The following SLC30A8 variants were observed in gnomAD, a reference collection of about 807,000 sequenced individuals.
SLC30A8 encodes proton-coupled zinc antiporter SLC30A8.
A neutral mutation model predicts 36.9 loss-of-function variants in SLC30A8; 27 were observed. The ratio of observed to expected loss-of-function variants is 0.73; its 90% confidence interval spans 0.54 to 1.01. The LOEUF (loss-of-function observed/expected upper bound fraction) is 1.01, where lower values mean the gene tolerates loss of function less well. Ranked by LOEUF, SLC30A8 falls within the 50% of genes least tolerant of loss-of-function variation. The pLI is 0.00. For missense variants in SLC30A8, 439 were observed against 452.0 expected, an observed-to-expected ratio of 0.97 and a Z score of 0.26; for synonymous variants, 164 against 172.4, an observed-to-expected ratio of 0.95 and a Z score of 0.38.
Position 117,135,064 on chromosome 8 carries a change from TTCA to T in SLC30A8, c.-262_-260del, listed in dbSNP as rs1821296586. 1 of 320,918 alleles carries T rather than the reference TTCA, an allele frequency of 3.1e-6. No individual in the cohort carries two copies. The highest frequency in any genetic ancestry group is 2.1e-5 in the African/African-American group (1 of 46,974). The allele number at this position is 320,918 out of a possible 1,614,324, so 19.9% of individuals were successfully genotyped here. ...GATATCATATGAAAGACATACACAC[TTCA>T]TGTAATGCTACCTGCAAGTCTCCCT... On this transcript the variant is annotated 5_prime_UTR_variant, in exon 1 of 8. The change abolishes an upstream ATG in the 5' untranslated region. Transcript: ENST00000456015.
At chr8:117,007,761 AG>A (rs1277042641) in intron 1 of SLC30A8, among the ~76,000 whole-genome samples, 10 of 152,308 alleles carry the variant, frequency 6.6e-5, no homozygotes, top group Admixed American at 2.0e-4. Context: ...AACTTGTGTA[AG>A]GGCACACATT....
chr8:117,169,270 C>A, intron 6 of SLC30A8, among the ~76,000 whole-genome samples: 1 of 152,240 alleles, frequency 6.6e-6, no homozygotes, highest in South Asian at 2.1e-4. Flanking sequence ...AGGAGGAAAT[C>A]CCCCATGAGC....
chr8:117,057,455 T>TGTTG (rs1035076815), intron 2 of SLC30A8, among the ~76,000 whole-genome samples: 27 of 152,064 alleles, frequency 1.8e-4, no homozygotes, highest in African/African-American at 6.3e-4. Flanking sequence ...TTGAGACCTG[T>TGTTG]GTTGTACATT....
intron 2 of SLC30A8, among the ~76,000 whole-genome samples, chr8:117,080,703 A>G (rs1484755520): frequency 1.3e-5 from 2 of 152,174 alleles, no homozygotes; most frequent in South Asian, 2.1e-4. Context: ...TCTATGGTAT[A>G]TATGTATCAG....
At chr8:116,965,362 C>A (rs1031740855) in intron 1 of SLC30A8, among the ~76,000 whole-genome samples, 2 of 152,120 alleles carry the variant, frequency 1.3e-5, no homozygotes, top group African/African-American at 4.8e-5. Flanking sequence ...GCTAATATAC[C>A]AGTTACCTTC....
At chr8:117,123,221 AGG>A (rs1820757572) in intron 2 of SLC30A8, among the ~76,000 whole-genome samples, 1 of 151,988 alleles carries the variant, frequency 6.6e-6, no homozygotes, top group African/African-American at 2.4e-5. Context: ...GGCGACAGAC[AGG>A]ATGTGTCTAC....
intron 2 of SLC30A8, among the ~76,000 whole-genome samples, chr8:117,039,899 T>C (rs1171506412): frequency 6.6e-6 from 1 of 152,192 alleles, no homozygotes; most frequent in Non-Finnish European, 1.5e-5. Context: ...CCTCTAGACC[T>C]TTCTAGGCCT....
intron 1 of SLC30A8, among the ~76,000 whole-genome samples, chr8:116,999,236 G>T (rs903281123): frequency 1.3e-5 from 2 of 152,194 alleles, no homozygotes; most frequent in Non-Finnish European, 2.9e-5. Flanking sequence ...TCCAGCCTGG[G>T]TGACAGAGGG....
intron 2 of SLC30A8, among the ~76,000 whole-genome samples, chr8:117,111,420 CT>C (rs1022146630): frequency 2.0e-5 from 3 of 152,092 alleles, no homozygotes; most frequent in African/African-American, 4.8e-5. Context: ...CTTCTTTCTT[CT>C]TTTAGTAATA....
chr8:117,101,647 G>A (rs1337450503), intron 2 of SLC30A8, among the ~76,000 whole-genome samples: 1 of 152,130 alleles, frequency 6.6e-6, no homozygotes, highest in East Asian at 1.9e-4. Context: ...TGAGTCAGTG[G>A]ACTGGGAAAG....
intron 6 of SLC30A8, 28 bp downstream of exon 6, chr8:117,163,558 G>A: frequency 6.6e-7 from 1 of 1,518,106 alleles, no homozygotes; most frequent in Non-Finnish European, 9.1e-7. Flanking sequence ...ATTACTCCCA[G>A]AGTCAGTGTT....
Position 117,174,427 on chromosome 8 carries a change from T to G in SLC30A8, c.*1746T>G. On this transcript the variant is annotated 3_prime_UTR_variant, in exon 8 of 8. Transcript: ENST00000456015. ...ACTTAGCATTCTGCTGAGCTTTCCC[T>G]GCTCAGTAGAGACAAATATACTCAT... 1 of 152,610 alleles carries G rather than the reference T, an allele frequency of 6.6e-6. No homozygotes were observed. The highest frequency in any genetic ancestry group is 1.5e-5 in the Non-Finnish European group (1 of 68,030). The allele number at this position is 152,610 out of a possible 1,614,324, so 9.5% of individuals were successfully genotyped here.
intron 2 of SLC30A8, among the ~76,000 whole-genome samples, chr8:117,085,415 G>A (rs1256114774): frequency 6.6e-6 from 1 of 152,020 alleles, no homozygotes; most frequent in African/African-American, 2.4e-5. Context: ...ATCCTCTAGC[G>A]ATTTCATTGT....
In SLC30A8 at chr8:117,059,949, G is replaced by C. The variant is rs1023177862; in HGVS notation, c.-226+20691G>C. On this transcript the variant is annotated intron_variant, in intron 2 of 10. Transcript: ENST00000427715. Reference sequence around the variant, plus strand: ...GTTCTGAGCTAGTGTGGAGGCAGAGGGGGTGAGAAGGAGGGAACAGATACG... The same window carrying C: ...GTTCTGAGCTAGTGTGGAGGCAGAGCGGGTGAGAAGGAGGGAACAGATACG... 2.6e-5 allele frequency among the ~76,000 whole-genome samples: 4 copies of C among 152,170 alleles called. No individual in the cohort carries two copies. The East Asian group carries it at 7.7e-4, about 29-fold the overall frequency.
In SLC30A8 at chr8:117,054,536, C is replaced by A. The variant is rs192194388; in HGVS notation, c.-226+15278C>A. Among the ~76,000 whole-genome samples the A allele has an allele frequency of 2.5e-3, 380 of 152,218 alleles. 2 individuals are homozygous for A. Among genetic ancestry groups the A allele is most frequent in the Non-Finnish European group, 4.7e-3 (321 of 68,006 alleles). On this transcript the variant is annotated intron_variant, in intron 2 of 10. Transcript: ENST00000427715. Reference sequence around the variant, plus strand: ...TTGTCACCATCAATGTGCAAACATACAGAAGAATACTGAAATCCCTGCCTT... The same window carrying A: ...TTGTCACCATCAATGTGCAAACATAAAGAAGAATACTGAAATCCCTGCCTT...
At chr8:117,039,832 T>G (rs1020447639) in intron 2 of SLC30A8, among the ~76,000 whole-genome samples, 1 of 152,250 alleles carries the variant, frequency 6.6e-6, no homozygotes, top group African/African-American at 2.4e-5. Context: ...AACTGTTATT[T>G]GAGATGCAGG....
chr8:116,972,667 C>A (rs987354515), intron 1 of SLC30A8, among the ~76,000 whole-genome samples: 3 of 152,102 alleles, frequency 2.0e-5, no homozygotes, highest in African/African-American at 7.2e-5. Flanking sequence ...AGACTTTTTA[C>A]AATTTGAGAG....
At chr8:117,077,998 G>A (rs1455757886) in intron 2 of SLC30A8, among the ~76,000 whole-genome samples, 1 of 152,180 alleles carries the variant, frequency 6.6e-6, no homozygotes, top group Admixed American at 6.5e-5. Flanking sequence ...CAGTGAAAAA[G>A]TGATGAAGAT....
At chr8:117,041,791 G>C (rs58404855) in intron 2 of SLC30A8, among the ~76,000 whole-genome samples, 8,583 of 152,242 alleles carry the variant, frequency 0.056, 748 homozygotes, top group African/African-American at 0.19. Flanking sequence ...TTAGGTCCTA[G>C]GTCTTGTGTG....
Sources: gnomAD v4.1 joint callset for allele counts (sites outside exome capture counted in the v4.1 genomes callset) on GRCh38, gnomAD v4.1.1 for gene constraint, MANE v1.5 for transcripts, NCBI Gene and HGNC (gene_info 2026-07-23, HGNC 2026-07-21) for gene names.